The following AFG2A variants were observed in gnomAD, a reference collection of about 807,000 sequenced individuals.
The protein encoded by AFG2A is AAA ATPase AFG2A.
the AFG2A span, among the ~76,000 whole-genome samples, chr4:123,119,267 A>G: frequency 2.0e-5 from 3 of 152,202 alleles, no homozygotes; most frequent in African/African-American, 7.2e-5. Flanking sequence ...CAGTGTCTCA[A>G]CGTATTAAGT....
At chr4:122,956,991 G>A in the AFG2A span, among the ~76,000 whole-genome samples, 3 of 152,116 alleles carry the variant, frequency 2.0e-5, no homozygotes, top group Non-Finnish European at 4.4e-5. Flanking sequence ...ATCTTAGACA[G>A]GTTCTATGCC....
the AFG2A span, among the ~76,000 whole-genome samples, chr4:123,156,132 G>A: frequency 6.6e-6 from 1 of 152,122 alleles, no homozygotes; most frequent in Non-Finnish European, 1.5e-5. Flanking sequence ...CTAACACCCA[G>A]GATATGGCTA....
chr4:122,960,515 T>C, the AFG2A span, among the ~76,000 whole-genome samples: 1 of 152,322 alleles, frequency 6.6e-6, no homozygotes, highest in African/African-American at 2.4e-5. Flanking sequence ...ATTTTGTTTA[T>C]GGTGAAAGGA....
At chr4:122,952,462 A>G in the AFG2A span, among the ~76,000 whole-genome samples, 4 of 152,230 alleles carry the variant, frequency 2.6e-5, no homozygotes, top group Non-Finnish European at 4.4e-5. Context: ...AATGATGCCC[A>G]TACCCTAGGA....
the AFG2A span, among the ~76,000 whole-genome samples, chr4:123,284,185 GGGTT>G: frequency 6.6e-6 from 1 of 152,248 alleles, no homozygotes; most frequent in South Asian, 2.1e-4. Context: ...TTTAAGGTGG[GGGTT>G]AGATCTTGGT....
the AFG2A span, among the ~76,000 whole-genome samples, chr4:123,079,056 G>C: frequency 6.6e-6 from 1 of 152,126 alleles, no homozygotes. Context: ...GGAATGAGGG[G>C]TTCTCTTTCT....
the AFG2A span, chr4:122,929,101 C>T: frequency 1.9e-6 from 3 of 1,613,584 alleles, no homozygotes; most frequent in Non-Finnish European, 2.5e-6. Flanking sequence ...AGTGAAATGG[C>T]ACAGAAAAAT....
chr4:123,276,434 C>G, the AFG2A span, among the ~76,000 whole-genome samples: 192 of 152,190 alleles, frequency 1.3e-3, no homozygotes, highest in African/African-American at 4.5e-3. Flanking sequence ...TGTAGATAAT[C>G]TGTTTACTCT....
the AFG2A span, among the ~76,000 whole-genome samples, chr4:123,167,167 G>T: frequency 2.0e-5 from 3 of 148,256 alleles, no homozygotes; most frequent in Non-Finnish European, 4.5e-5. Flanking sequence ...GGGCCTTATA[G>T]TATATATAAG....
chr4:123,083,450 A>G, the AFG2A span, among the ~76,000 whole-genome samples: 2 of 152,072 alleles, frequency 1.3e-5, no homozygotes, highest in South Asian at 2.1e-4. Flanking sequence ...AAATTAATTG[A>G]TATAATGTTA....
At chr4:123,169,659 T>C in the AFG2A span, among the ~76,000 whole-genome samples, 1 of 152,158 alleles carries the variant, frequency 6.6e-6, no homozygotes, top group Non-Finnish European at 1.5e-5. Flanking sequence ...TTTTGTATTT[T>C]TAATAGAGAC....
chr4:123,307,383 C>CACACAA, the AFG2A span, among the ~76,000 whole-genome samples: 1 of 152,084 alleles, frequency 6.6e-6, no homozygotes, highest in Non-Finnish European at 1.5e-5. Flanking sequence ...GATACACACA[C>CACACAA]ACACACAAAC....
chr4:122,965,232 A>G, the AFG2A span, among the ~76,000 whole-genome samples: 4 of 152,340 alleles, frequency 2.6e-5, no homozygotes, highest in Admixed American at 1.3e-4. Context: ...TTTCTAATGA[A>G]GGAGCTTAAT....
At chr4:123,080,025 A>C in the AFG2A span, among the ~76,000 whole-genome samples, 1 of 152,116 alleles carries the variant, frequency 6.6e-6, no homozygotes, top group Non-Finnish European at 1.5e-5. Context: ...CTGAGATTAC[A>C]TGCATGAGCC....
chr4:123,050,591 A>G, the AFG2A span, among the ~76,000 whole-genome samples: 35 of 152,278 alleles, frequency 2.3e-4, no homozygotes, highest in East Asian at 6.2e-3. Context: ...TTGTGACTTA[A>G]AATCTGTTTT....
At chr4:123,262,332 A>T in the AFG2A span, among the ~76,000 whole-genome samples, 1 of 152,196 alleles carries the variant, frequency 6.6e-6, no homozygotes, top group Admixed American at 6.5e-5. Flanking sequence ...TATCTATTTG[A>T]GTACCCTAAC....
At chr4:122,992,956 T>TTGTGTGTGTGTGTGTG in the AFG2A span, among the ~76,000 whole-genome samples, 74 of 132,886 alleles carry the variant, frequency 5.6e-4, no homozygotes, top group African/African-American at 1.6e-3. Flanking sequence ...CCTGTAAGAT[T>TTGTGTGTGTGTGTGTG]TGTGTGTGTG....
the AFG2A span, among the ~76,000 whole-genome samples, chr4:123,078,025 G>A: frequency 6.6e-6 from 1 of 152,146 alleles, no homozygotes; most frequent in Admixed American, 6.5e-5. Flanking sequence ...TGGCAAAGTA[G>A]CATGGGAGAG....
At chr4:123,130,510 A>AATC in the AFG2A span, among the ~76,000 whole-genome samples, 1 of 152,206 alleles carries the variant, frequency 6.6e-6, no homozygotes, top group Non-Finnish European at 1.5e-5. Context: ...ATATAAATGT[A>AATC]ATCATGCACA....
Sources: gnomAD v4.1 joint callset for allele counts (sites outside exome capture counted in the v4.1 genomes callset) on GRCh38, gnomAD v4.1.1 for gene constraint, MANE v1.5 for transcripts, NCBI Gene and HGNC (gene_info 2026-07-23, HGNC 2026-07-21) for gene names.